CADM2: variants seen among roughly 807,000 people sequenced by gnomAD.
CADM2 encodes the protein immunoglobulin superfamily member 4D.
Under a neutral mutation model 49.8 loss-of-function variants are expected in CADM2, and 12 were observed. The observed-to-expected ratio is 0.24, with a 90% confidence interval of 0.15 to 0.39. CADM2 has a LOEUF of 0.39. Ranked by LOEUF, CADM2 falls within the 10% of genes least tolerant of loss-of-function variation. The pLI, the probability that CADM2 is intolerant of heterozygous loss-of-function variation, is 1.00. For missense variants in CADM2, 378 were observed against 492.3 expected (o/e 0.77, Z 2.20); for synonymous variants, 214 against 175.4 (o/e 1.22, Z -1.74).
chr3:85,295,045 A>G (rs2043918187), intron 1 of CADM2, among the ~76,000 whole-genome samples: 1 of 152,302 alleles, frequency 6.6e-6, no homozygotes, highest in East Asian at 1.9e-4. Flanking sequence ...TACTCATCTG[A>G]CAAAGGGCTG....
At chr3:85,164,257 C>A (rs2040410091) in intron 1 of CADM2, among the ~76,000 whole-genome samples, 1 of 151,970 alleles carries the variant, frequency 6.6e-6, no homozygotes, top group Non-Finnish European at 1.5e-5. Flanking sequence ...AGATAACTCA[C>A]AGATACTGGC....
intron 1 of CADM2, among the ~76,000 whole-genome samples, chr3:85,111,877 T>C (rs181411948): frequency 4.9e-4 from 75 of 151,978 alleles, no homozygotes; most frequent in Admixed American, 4.6e-3. Flanking sequence ...TTCCAAAACA[T>C]AGCAATAATA....
At chr3:85,501,689 A>T (rs2040121775) in intron 1 of CADM2, among the ~76,000 whole-genome samples, 1 of 152,162 alleles carries the variant, frequency 6.6e-6, no homozygotes, top group Non-Finnish European at 1.5e-5. Flanking sequence ...AGCAGTCATT[A>T]AAACATTACA....
intron 1 of CADM2, among the ~76,000 whole-genome samples, chr3:85,200,621 T>A (rs966060489): frequency 1.3e-5 from 2 of 152,092 alleles, no homozygotes; most frequent in Non-Finnish European, 2.9e-5. Context: ...ATTGCTGGAA[T>A]GAAGAACTAT....
intron 2 of CADM2, among the ~76,000 whole-genome samples, chr3:85,754,097 C>T (rs539096141): frequency 2.0e-5 from 3 of 152,288 alleles, no homozygotes; most frequent in East Asian, 1.9e-4. Flanking sequence ...GAGATGTATG[C>T]GTGCTCACTT....
chr3:85,085,402 A>G (rs1378608271), intron 1 of CADM2, among the ~76,000 whole-genome samples: 1 of 151,884 alleles, frequency 6.6e-6, no homozygotes, highest in East Asian at 1.9e-4. Flanking sequence ...TTTCTTTTTT[A>G]AAGTCTCAAT....
intron 1 of CADM2, among the ~76,000 whole-genome samples, chr3:85,111,707 G>C (rs2038465648): frequency 6.6e-6 from 1 of 151,682 alleles, no homozygotes; most frequent in South Asian, 2.1e-4. Context: ...AGTGACTGTA[G>C]TCAATAATAA....
intron 1 of CADM2, among the ~76,000 whole-genome samples, chr3:85,568,383 T>G (rs2062332690): frequency 6.7e-6 from 1 of 149,080 alleles, no homozygotes; most frequent in Non-Finnish European, 1.5e-5. Context: ...TTACCTACAA[T>G]CTTTCCTTCC....
intron 1 of CADM2, among the ~76,000 whole-genome samples, chr3:85,405,836 C>G (rs766545802): frequency 1.3e-5 from 2 of 151,562 alleles, no homozygotes; most frequent in East Asian, 3.9e-4. Context: ...TTCTACATTC[C>G]TGACTTCCAA....
chr3:86,013,918 C>G lies in CADM2; in HGVS notation c.971-51687C>G, dbSNP rs1357055802. 3 of 1,588,356 alleles carry G rather than the reference C, an allele frequency of 1.9e-6. No individual in the cohort carries two copies. The African/African-American group carries it at 4.0e-5, about 21-fold the overall frequency. On this transcript the variant is annotated intron_variant, in intron 8 of 9. Transcript: ENST00000383699. ...CCCCAAGCTATCTACACACTCTGAA[C>G]TTCCTGTGCCTTAAATATGTGGTTG...
intron 1 of CADM2, among the ~76,000 whole-genome samples, chr3:85,489,747 T>C (rs2039587051): frequency 6.8e-6 from 1 of 147,122 alleles, no homozygotes; most frequent in African/African-American, 2.5e-5. Flanking sequence ...ATTTAACGTG[T>C]GTGTGTGTGT....
At chr3:85,933,593 G>A (rs7648895) in intron 6 of CADM2, among the ~76,000 whole-genome samples, 105,940 of 151,946 alleles carry the variant, frequency 0.7, 38,534 homozygotes, top group African/African-American at 0.92. Flanking sequence ...GATTTATTGT[G>A]AGGAATTGTC....
At chr3:85,814,665 C>A (rs1418113215) in intron 3 of CADM2, among the ~76,000 whole-genome samples, 3 of 151,846 alleles carry the variant, frequency 2.0e-5, no homozygotes, top group Non-Finnish European at 4.4e-5. Flanking sequence ...CAAATAGACA[C>A]AATAAAAAAT....
chr3:85,352,832 T>C (rs1191010868), intron 1 of CADM2, among the ~76,000 whole-genome samples: 1 of 152,156 alleles, frequency 6.6e-6, no homozygotes, highest in Non-Finnish European at 1.5e-5. Context: ...TGTATCCATG[T>C]GGTTCTGGTT....
intron 8 of CADM2, among the ~76,000 whole-genome samples, chr3:85,998,482 G>A (rs180869834): frequency 5.9e-5 from 9 of 152,264 alleles, no homozygotes; most frequent in Admixed American, 5.2e-4. Context: ...AATATATAAA[G>A]AGAGCAGTAC....
At chr3:86,053,682 G>C (rs1012913568) in intron 8 of CADM2, among the ~76,000 whole-genome samples, 2 of 151,964 alleles carry the variant, frequency 1.3e-5, no homozygotes, top group Non-Finnish European at 2.9e-5. Flanking sequence ...GTCTAATTCA[G>C]CTTGGGTCAG....
At chr3:85,107,150 C>A (rs1232026224) in intron 1 of CADM2, among the ~76,000 whole-genome samples, 1 of 151,786 alleles carries the variant, frequency 6.6e-6, no homozygotes, top group Non-Finnish European at 1.5e-5. Flanking sequence ...TTGGCATTGG[C>A]ACAAAGGATA....
At chr3:85,736,365 T>A (rs1006603838) in intron 2 of CADM2, among the ~76,000 whole-genome samples, 2 of 152,102 alleles carry the variant, frequency 1.3e-5, no homozygotes, top group African/African-American at 4.8e-5. Context: ...TACAATAAGA[T>A]TCAACTACAG....
At chr3:85,484,896 T>C (rs1389829975) in intron 1 of CADM2, among the ~76,000 whole-genome samples, 1 of 151,914 alleles carries the variant, frequency 6.6e-6, no homozygotes, top group East Asian at 1.9e-4. Flanking sequence ...TTTTGACTCA[T>C]GTCTTACGGA....
Sources: allele counts gnomAD v4.1 joint callset (sites outside exome capture counted in the v4.1 genomes callset), GRCh38; gene constraint gnomAD v4.1.1; transcripts MANE v1.5; gene names NCBI Gene and HGNC (gene_info 2026-07-23, HGNC 2026-07-21).